Variants in MYO10 observed in about 807,000 individuals in gnomAD.
MYO10 encodes the protein myosin X.
A neutral mutation model predicts 257.3 loss-of-function variants in MYO10; 133 were observed. That is an observed-to-expected ratio of 0.52 (90% CI 0.45 to 0.60). The LOEUF is 0.60. Ranked by LOEUF, MYO10 falls within the 20% of genes least tolerant of loss-of-function variation. The pLI, the probability that MYO10 is intolerant of heterozygous loss-of-function variation, is 0.00. For missense variants in MYO10, 2,399 were observed against 2,635.7 expected (o/e 0.91, Z 1.97); for synonymous variants, 1,104 against 1,028.6 (o/e 1.07, Z -1.40).
intron 19 of MYO10, among the ~76,000 whole-genome samples, chr5:16,726,606 G>A (rs953374587): frequency 1.1e-4 from 17 of 152,052 alleles, no homozygotes; most frequent in African/African-American, 3.9e-4. Flanking sequence ...CTAGCTATGC[G>A]GCTCTTCCTG....
intron 19 of MYO10, among the ~76,000 whole-genome samples, chr5:16,748,279 C>G (rs749935916): frequency 1.3e-5 from 2 of 152,036 alleles, no homozygotes; most frequent in Non-Finnish European, 2.9e-5. Flanking sequence ...CAGAGTCTCA[C>G]TCTCACCCAG....
At chr5:16,865,830 A>ATAG (rs1286253435) in intron 2 of MYO10, among the ~76,000 whole-genome samples, 1 of 151,324 alleles carries the variant, frequency 6.6e-6, no homozygotes, top group East Asian at 1.9e-4. Flanking sequence ...AATAATAATA[A>ATAG]TAATAGTAAA....
At chr5:16,856,193 G>T (rs576360205) in intron 2 of MYO10, among the ~76,000 whole-genome samples, 52 of 152,282 alleles carry the variant, frequency 3.4e-4, no homozygotes, top group Non-Finnish European at 6.0e-4. Flanking sequence ...ATCACAGCTT[G>T]TACTGCAGCC....
At chr5:16,700,442 C>T (rs1737991239) in intron 25 of MYO10, among the ~76,000 whole-genome samples, 1 of 152,278 alleles carries the variant, frequency 6.6e-6, no homozygotes, top group East Asian at 1.9e-4. Flanking sequence ...TTTGGGGGTC[C>T]GAGGCAGGTG....
intron 2 of MYO10, among the ~76,000 whole-genome samples, chr5:16,854,994 T>C (rs1014703759): frequency 4.6e-5 from 7 of 151,846 alleles, no homozygotes; most frequent in African/African-American, 1.7e-4. Context: ...GATTGCGCCA[T>C]TGCACTCAGC....
At chr5:16,916,122 T>C (rs1745809814) in intron 1 of MYO10, 1 of 456,046 alleles carries the variant, frequency 2.2e-6, no homozygotes, top group Non-Finnish European at 4.4e-6. Context: ...TGAAGTCTCA[T>C]TACCGACCCA....
At chr5:16,922,709 C>A (rs1215315492) in intron 1 of MYO10, among the ~76,000 whole-genome samples, 2 of 152,146 alleles carry the variant, frequency 1.3e-5, no homozygotes, top group African/African-American at 2.4e-5. Flanking sequence ...GAATGGTTAG[C>A]TCAGCCATCT....
Position 16,877,676 on chromosome 5 carries a change from T to C in MYO10, c.53A>G (p.Gln18Arg). ...GGAATTTACAGTACTTGGAAAATGC[T>C]GGCCATTTTCTCTCAGCCAGACCCG... The part of the protein sequence containing the change: ...GTRVWLRENG[Q>R]HFPSTVNSCA... The change falls in exon 2 of 41, where the codon CAG becomes CGG. Residue 18 changes from glutamine to arginine, a missense_variant. Around this residue, in one of 3 missense-constraint regions of MYO10, gnomAD observed 242 missense variants for 249.5 expected, o/e 0.97. Transcript: ENST00000513610. 6.2e-7 allele frequency: 1 copy of C among 1,613,754 alleles called. No individual in the cohort carries two copies. The highest frequency in any genetic ancestry group is 8.5e-7 in the Non-Finnish European group (1 of 1,179,806).
chr5:16,829,947 T>C (rs1372145415), intron 2 of MYO10, among the ~76,000 whole-genome samples: 1 of 151,896 alleles, frequency 6.6e-6, no homozygotes, highest in East Asian at 1.9e-4. Flanking sequence ...AGTTGTACAT[T>C]AAGGAAAACC....
intron 2 of MYO10, among the ~76,000 whole-genome samples, chr5:16,873,304 G>C (rs1744499796): frequency 6.6e-6 from 1 of 152,202 alleles, no homozygotes; most frequent in Non-Finnish European, 1.5e-5. Flanking sequence ...TTTGACTCCA[G>C]GTCTCACATC....
intron 21 of MYO10, among the ~76,000 whole-genome samples, chr5:16,705,480 C>A (rs753146843): frequency 1.4e-4 from 22 of 152,234 alleles, no homozygotes; most frequent in Non-Finnish European, 2.9e-4. Flanking sequence ...AGGACCTTCT[C>A]TTGATAAAGT....
chr5:16,777,482 G>A (rs905555464), intron 9 of MYO10, among the ~76,000 whole-genome samples: 4 of 152,168 alleles, frequency 2.6e-5, no homozygotes, highest in Admixed American at 6.6e-5. Flanking sequence ...AATAATCTAT[G>A]ACAATGAAAA....
intron 1 of MYO10, chr5:16,916,514 C>T (rs1160837625): frequency 1.2e-5 from 2 of 165,496 alleles, no homozygotes; most frequent in African/African-American, 2.4e-5. Flanking sequence ...GAACTCACTC[C>T]TAAATCACAG....
At chr5:16,801,805 G>A (rs1742128772) in intron 3 of MYO10, among the ~76,000 whole-genome samples, 1 of 152,000 alleles carries the variant, frequency 6.6e-6, no homozygotes, top group African/African-American at 2.4e-5. Flanking sequence ...CTAACTCAAG[G>A]ATGTTTTTTC....
chr5:16,889,476 AAAGAAGGAAGGAAG>A (rs1744984622), intron 1 of MYO10, among the ~76,000 whole-genome samples: 1 of 135,672 alleles, frequency 7.4e-6, no homozygotes, highest in Non-Finnish European at 1.6e-5. Context: ...GGAAGAAAAG[AAAGAAGGAAGGAAG>A]GAAGGAAGGA....
rs527621776 is a variant in MYO10 at position 16,802,684 on chromosome 5, A to G, written c.280-7851T>C. ...AAAAAAAAAAAAAAAGAAAGAAAGA[A>G]AAATTAAAAAAAATAAGTAATGCTG... On this transcript the variant is annotated intron_variant, in intron 3 of 40. Transcript: ENST00000513610. Among the ~76,000 whole-genome samples the G allele has an allele frequency of 2.6e-5, 4 of 151,516 alleles. No homozygotes were observed. In the South Asian group the frequency reaches 8.3e-4, roughly 32 times the overall value.
At chr5:16,688,675 G>A (rs977392298) in intron 28 of MYO10, among the ~76,000 whole-genome samples, 2 of 151,962 alleles carry the variant, frequency 1.3e-5, no homozygotes, top group Non-Finnish European at 2.9e-5. Context: ...GGAAGGTGGA[G>A]GCTGCGGTGA....
chr5:16,907,333 G>A (rs1745545833), intron 1 of MYO10, among the ~76,000 whole-genome samples: 2 of 151,964 alleles, frequency 1.3e-5, no homozygotes, highest in Admixed American at 1.3e-4. Context: ...CAAATGGGAG[G>A]CAGAGAATGA....
At chr5:16,842,896 C>G (rs1561013668) in intron 2 of MYO10, among the ~76,000 whole-genome samples, 1 of 126,890 alleles carries the variant, frequency 7.9e-6, no homozygotes, top group Admixed American at 8.7e-5. Context: ...CCCGTCTCTA[C>G]TAAAAAAAAG....
Sources: allele counts gnomAD v4.1 joint callset (sites outside exome capture counted in the v4.1 genomes callset), GRCh38; gene constraint gnomAD v4.1.1; regional missense constraint gnomAD v4.1.1; transcripts MANE v1.5; gene names NCBI Gene and HGNC (gene_info 2026-07-23, HGNC 2026-07-21).